The following SLC35A5 variants were observed in gnomAD, a reference collection of about 807,000 sequenced individuals.
The protein encoded by SLC35A5 is UDP-sugar transporter protein SLC35A5.
A neutral mutation model predicts 36.3 loss-of-function variants in SLC35A5; 28 were observed. The observed-to-expected ratio is 0.77, with a 90% CI of 0.57 to 1.06. SLC35A5 has a LOEUF of 1.06. SLC35A5 is among the 50% of genes least tolerant of loss of function. The pLI is 0.00. For synonymous variants in SLC35A5, 180 were observed against 173.7 expected, an observed-to-expected ratio of 1.04 and a Z score of -0.29; for missense variants, 521 against 499.3, an observed-to-expected ratio of 1.04 and a Z score of -0.41.
rs768287436 is a variant in SLC35A5, at chr3:112,573,934, C to T, written c.406C>T (p.Leu136Phe). ...FSNFSIITTA[L>F]LFRIVLKRRL... ...AAATTTTAGCATTATAACAACAGCT[C>T]TTCTATTCAGGATAGTGCTGAAGTA... Residue 136 changes from leucine (L) to phenylalanine (F), a missense_variant, in exon 5 of 7, where the codon CTT becomes TTT. Transcript: ENST00000492406. The T allele has an allele frequency of 6.2e-7, 1 of 1,613,454 alleles. No individual in the cohort carries two copies.
chr3:112,563,604 T>TCTCTTGCCTTTG, intron 2 of SLC35A5, 71 bp downstream of exon 2: 1 of 1,379,486 alleles, frequency 7.2e-7, no homozygotes, highest in South Asian at 1.9e-5. Flanking sequence ...CCTTTGGTTC[T>TCTCTTGCCTTTG]GTTATATATA....
At chr3:112,578,145 A>G (rs1030365060) in intron 5 of SLC35A5, among the ~76,000 whole-genome samples, 3 of 152,190 alleles carry the variant, frequency 2.0e-5, no homozygotes, top group Admixed American at 1.3e-4. Flanking sequence ...ATGTTGAACT[A>G]AAGCCCCCCC....
intron 2 of SLC35A5, 49 bp downstream of exon 2, chr3:112,563,582 A>C (rs771289182): frequency 1.1e-5 from 16 of 1,493,316 alleles, no homozygotes; most frequent in Middle Eastern, 1.8e-4. Flanking sequence ...CTAATCACAC[A>C]TCTCTCTCTT....
In SLC35A5 at chr3:112,582,711, A is replaced by G; in HGVS notation, c.1250A>G (p.Asp417Gly). 6.2e-7 allele frequency: 1 copy of G among 1,612,730 alleles called. No individual in the cohort carries two copies. The highest frequency in any genetic ancestry group is 1.1e-5 in the South Asian group (1 of 90,984). The change falls in exon 7 of 7, where the codon GAT (aspartate) becomes GGT (glycine). Residue 417 changes from aspartate (D) to glycine (G), a missense_variant. Transcript: ENST00000492406. Reference sequence around the variant, plus strand: ...GAAAGACTTACCAAACCCAAGAGTGATGAGTCAGATGAAGATACTTTCTAA... The same window carrying G: ...GAAAGACTTACCAAACCCAAGAGTGGTGAGTCAGATGAAGATACTTTCTAA... ...ELERLTKPKS[D>G]ESDEDTF
intron 1 of SLC35A5, among the ~76,000 whole-genome samples, chr3:112,562,786 GGGCGCGGT>G (rs1409212922): frequency 2.0e-5 from 3 of 152,204 alleles, no homozygotes; most frequent in African/African-American, 7.2e-5. Context: ...AAGCGAGGCC[GGGCGCGGT>G]GGCTCACGCC....
chr3:112,564,483 C>G (rs1182294971), intron 2 of SLC35A5: 7 of 152,288 alleles, frequency 4.6e-5, no homozygotes, highest in Admixed American at 3.9e-4. Flanking sequence ...TTTCCCCTAT[C>G]TCAGTAGATG....
At chr3:112,582,377 G>A (rs1401097133) in intron 6 of SLC35A5, among the ~76,000 whole-genome samples, 4 of 152,020 alleles carry the variant, frequency 2.6e-5, no homozygotes, top group African/African-American at 4.8e-5. Context: ...AGGTAACAAG[G>A]CCTATGAAGA....
intron 4 of SLC35A5, among the ~76,000 whole-genome samples, chr3:112,572,948 A>G (rs1934511397): frequency 6.6e-6 from 1 of 152,218 alleles, no homozygotes; most frequent in African/African-American, 2.4e-5. Flanking sequence ...GCATTTGCCT[A>G]CAGAGAAGTA....
In SLC35A5 at chr3:112,583,718, A is replaced by T. The variant is rs1490473228; in HGVS notation, c.*982A>T. On this transcript the variant is annotated 3_prime_UTR_variant, in exon 7 of 7. Coordinates refer to ENST00000492406, the MANE Select transcript of SLC35A5 (RefSeq NM_017945.5). Reference sequence around the variant, plus strand: ...ACACATGTTGACTTTTAACTGATGTATGAATATTAATACTCTAAAAATAGA... The same window carrying T: ...ACACATGTTGACTTTTAACTGATGTTTGAATATTAATACTCTAAAAATAGA... The T allele has an allele frequency of 6.6e-6, 1 of 152,144 alleles. No individual in the cohort carries two copies. The highest frequency in any genetic ancestry group is 1.5e-5 in the Non-Finnish European group (1 of 67,998). 9.4% of individuals were successfully genotyped at this position (152,144 alleles called of 1,614,324 possible). A position where few individuals can be genotyped will look rare whatever the true frequency, so the allele number is the denominator to read the frequency against.
intron 2 of SLC35A5, among the ~76,000 whole-genome samples, chr3:112,564,559 T>C (rs1934104333): frequency 6.6e-6 from 1 of 152,140 alleles, no homozygotes; most frequent in Non-Finnish European, 1.5e-5. Flanking sequence ...GACAGATGCC[T>C]TCCTCTTGTC....
At chr3:112,561,626 G>A (rs1214478553), upstream of SLC35A5, 16 of 1,257,894 alleles carry the variant, frequency 1.3e-5, no homozygotes, top group African/African-American at 7.5e-5. Context: ...CCACCGACTC[G>A]CATCAGCACC....
At chr3:112,568,972 A>G (rs1012753403) in intron 2 of SLC35A5, among the ~76,000 whole-genome samples, 199 bp from the exon 3 acceptor site, 1 of 152,240 alleles carries the variant, frequency 6.6e-6, no homozygotes, top group African/African-American at 2.4e-5. Context: ...CAAGGATAAT[A>G]AAAAGCCAAA....
chr3:112,573,342 G>T (rs1022506509), intron 4 of SLC35A5, among the ~76,000 whole-genome samples: 5 of 152,128 alleles, frequency 3.3e-5, no homozygotes, highest in East Asian at 3.8e-4. Flanking sequence ...TTAAAATCTG[G>T]CTGATACATT....
chr3:112,576,137 A>G (rs1412397922), intron 5 of SLC35A5, among the ~76,000 whole-genome samples: 3 of 147,920 alleles, frequency 2.0e-5, no homozygotes, highest in Non-Finnish European at 4.5e-5. Context: ...TTTTTTTGGC[A>G]GTGGGGGTGG....
At chr3:112,563,626 A>G in intron 2 of SLC35A5, 93 bp downstream of exon 2, 1 of 1,267,948 alleles carries the variant, frequency 7.9e-7, no homozygotes, top group Non-Finnish European at 1.0e-6. Flanking sequence ...CATGGAAATA[A>G]TAATGCCTTT....
At chr3:112,565,227 TAAC>T (rs756318391) in intron 2 of SLC35A5, among the ~76,000 whole-genome samples, 3 of 152,212 alleles carry the variant, frequency 2.0e-5, no homozygotes, top group Non-Finnish European at 2.9e-5. Context: ...TCCATTATAA[TAAC>T]TGCAATAATT....
rs1308119702 is a variant in SLC35A5, at chr3:112,585,347, A to G, written c.*2611A>G. 6.6e-6 allele frequency: 1 copy of G among 152,096 alleles called. No homozygotes were observed. The highest frequency in any genetic ancestry group is 1.9e-4 in the East Asian group (1 of 5,188). The allele number at this position is 152,096 out of a possible 1,614,324, so 9.4% of individuals were successfully genotyped here. A position where few individuals can be genotyped will look rare whatever the true frequency, so the allele number is the denominator to read the frequency against. On this transcript the variant is annotated 3_prime_UTR_variant, in exon 7 of 7. Coordinates refer to ENST00000492406, the MANE Select transcript of SLC35A5 (RefSeq NM_017945.5). Reference sequence around the variant, plus strand: ...GTTCCTTCCTCAACACCTGGGGATTATGGGGATTACAATTCAAGATGAGAT... The same window carrying G: ...GTTCCTTCCTCAACACCTGGGGATTGTGGGGATTACAATTCAAGATGAGAT...
chr3:112,580,571 G>A lies in SLC35A5; in HGVS notation c.454G>A (p.Ala152Thr), dbSNP rs763148865. Residue 152 changes from alanine (A) to threonine (T), a missense_variant, in exon 6 of 7, where the codon GCT (alanine) becomes ACT (threonine). By Grantham distance (58) the Ala-to-Thr change is moderately conservative. Coordinates refer to ENST00000492406, the MANE Select transcript of SLC35A5 (RefSeq NM_017945.5). ...LKRRLNWIQWASLLTLFLSIV... is the reference protein window; with the variant it reads ...LKRRLNWIQWTSLLTLFLSIV... ...GAGGCGTCTAAACTGGATCCAGTGG[G>A]CTTCCCTCCTGACTTTATTTTTGTC... 1 of 1,613,392 alleles carries A rather than the reference G, an allele frequency of 6.2e-7. No individual in the cohort carries two copies. The highest frequency in any genetic ancestry group is 8.5e-7 in the Non-Finnish European group (1 of 1,179,660).
rs1168325764 is a variant in SLC35A5 at position 112,564,646 on chromosome 3, GA to G, written c.130+1114del. Among the ~76,000 whole-genome samples the G allele has an allele frequency of 7.9e-5, 12 of 152,230 alleles. No homozygotes were observed. The East Asian group carries it at 2.3e-3, about 29-fold the overall frequency. On this transcript the variant is annotated intron_variant, in intron 2 of 6. Coordinates refer to ENST00000492406, the MANE Select transcript of SLC35A5 (RefSeq NM_017945.5). Reference sequence around the variant, plus strand: ...ACCCTTTACAGGTGTCGGGCTGGGGGACGGTCAGGTCTTTCCCTTCCCACGA... The same window carrying G: ...ACCCTTTACAGGTGTCGGGCTGGGGGCGGTCAGGTCTTTCCCTTCCCACGA...
Sources: allele counts gnomAD v4.1 joint callset (sites outside exome capture counted in the v4.1 genomes callset), GRCh38; gene constraint gnomAD v4.1.1; transcripts MANE v1.5; gene names NCBI Gene and HGNC (gene_info 2026-07-23, HGNC 2026-07-21).